Variants in ADD2 observed in about 807,000 individuals in gnomAD.
ADD2 encodes beta-adducin.
In ADD2, 23 loss-of-function variants were observed where a neutral mutation model predicts 83.0. The observed-to-expected ratio is 0.28, with a 90% CI of 0.20 to 0.39. ADD2 has a LOEUF of 0.39. Ranked by LOEUF, ADD2 falls within the 10% of genes least tolerant of loss-of-function variation. The pLI is 1.00. For synonymous variants in ADD2, 375 were observed against 375.4 expected, an observed-to-expected ratio of 1.00 and a Z score of 0.01; for missense variants, 758 against 944.9, an observed-to-expected ratio of 0.80 and a Z score of 2.59.
chr2:70,706,455 G>A lies in ADD2; in HGVS notation c.-34-13C>T. On this transcript the variant is annotated splice_polypyrimidine_tract_variant and intron_variant, in intron 2 of 15. Transcript: ENST00000264436. This position sits in a 1 kb window ranked among gnomAD's most constrained non-coding sequence, Gnocchi z 5.0. ...CGCTCCTGGAACTCTACAGAGAAGG[G>A]GAGAGGGTATGCGGTCAGGTTGGTG... 6.4e-7 allele frequency: 1 copy of A among 1,567,928 alleles called. No homozygotes were observed. Among genetic ancestry groups the A allele is most frequent in the Non-Finnish European group, 8.6e-7 (1 of 1,159,180 alleles).
intron 1 of ADD2, among the ~76,000 whole-genome samples, chr2:70,750,582 G>A (rs1380465616): frequency 6.6e-6 from 1 of 152,180 alleles, no homozygotes; most frequent in Non-Finnish European, 1.5e-5. Context: ...GTAGCTGCAA[G>A]CCAAGGAATG....
rs781934029 is a variant in ADD2 at position 70,706,396 on chromosome 2, T to C, written c.13A>G (p.Thr5Ala). The C allele has an allele frequency of 3.1e-6, 5 of 1,606,056 alleles. No individual in the cohort carries two copies. In the East Asian group the frequency reaches 1.1e-4, roughly 36 times the overall value. ...GGCGGCGAGGCAGCCTCGGGGACCGTCTCTTCGCTCATTTTCCCGGTGGGT... is the reference window on the plus strand; with the variant it reads ...GGCGGCGAGGCAGCCTCGGGGACCGCCTCTTCGCTCATTTTCCCGGTGGGT... MSEE[T>A]VPEAASPPPP... Residue 5 changes from threonine (T) to alanine (A), a missense_variant, in exon 3 of 16, where the codon ACG becomes GCG. Physicochemically the swap from Thr to Ala is moderately conservative, Grantham distance 58. Transcript: ENST00000264436. The surrounding 1 kb of genome is among the most constrained non-coding windows in gnomAD (Gnocchi z 5.0).
chr2:70,695,881 C>T, intron 5 of ADD2, 80 bp from the exon 6 acceptor site: 2 of 1,242,606 alleles, frequency 1.6e-6, no homozygotes, highest in Non-Finnish European at 1.2e-6. Flanking sequence ...ATCCCCTCTT[C>T]CCCTGAATCT....
intron 2 of ADD2, among the ~76,000 whole-genome samples, chr2:70,712,450 A>AG (rs1186233173): frequency 8.0e-6 from 1 of 125,676 alleles, no homozygotes; most frequent in Admixed American, 7.6e-5. Context: ...TCTCAAAAAA[A>AG]ATAAATAAAT....
intron 1 of ADD2, among the ~76,000 whole-genome samples, chr2:70,718,063 A>G (rs1483289986): frequency 6.6e-6 from 1 of 152,174 alleles, no homozygotes; most frequent in Non-Finnish European, 1.5e-5. Context: ...ATAAGTACTT[A>G]TTTCTGGGCA....
intron 6 of ADD2, among the ~76,000 whole-genome samples, chr2:70,693,049 C>T (rs2072246): frequency 0.29 from 44,061 of 151,910 alleles, 6,731 homozygotes; most frequent in East Asian, 0.44. Flanking sequence ...CCTTTCTCAA[C>T]GAGGCTCAAA....
In ADD2 at chr2:70,683,641, G is replaced by A. The variant is rs782285761; in HGVS notation, c.1075C>T (p.Arg359Trp). ...GSTFGPMQKSRLGEHEFEALM... is the reference protein window; with the variant it reads ...GSTFGPMQKSWLGEHEFEALM... The stretch of plus-strand genomic sequence containing the variant: ...GCCTCAAACTCATGCTCCCCCAGCC[G>A]ACTCTTCTGCATAGGCCCAAAGGTG... The change falls in exon 10 of 16, where the codon CGG becomes TGG. Residue 359 changes from arginine to tryptophan, a missense_variant. Physicochemically the swap from Arg to Trp is moderately radical, Grantham distance 101 (BLOSUM62 -3). Coordinates refer to ENST00000264436, the MANE Select transcript of ADD2 (RefSeq NM_001617.4). 10 of 1,613,826 alleles carry A rather than the reference G, an allele frequency of 6.2e-6. No homozygotes were observed. The highest frequency in any genetic ancestry group is 5.0e-5 in the Admixed American group (3 of 59,986).
At chr2:70,673,328 T>C (rs782565602) in intron 14 of ADD2, 5 of 1,613,990 alleles carry the variant, frequency 3.1e-6, no homozygotes, top group South Asian at 1.1e-5. Flanking sequence ...GTCCTGTCTC[T>C]GAAGAGAACC....
At chr2:70,674,997 C>T (rs1446123111) in intron 13 of ADD2, 172 bp from the exon 14 acceptor site, 76 of 1,334,774 alleles carry the variant, frequency 5.7e-5, no homozygotes, top group Non-Finnish European at 9.7e-7. Flanking sequence ...CTTTCCTCCC[C>T]ATTGCTACCT....
At chr2:70,754,087 C>G (rs1553383422) in intron 1 of ADD2, among the ~76,000 whole-genome samples, 1 of 152,132 alleles carries the variant, frequency 6.6e-6, no homozygotes, top group African/African-American at 2.4e-5. Flanking sequence ...CATGAAAACA[C>G]AAGATGCCTC....
intron 15 of ADD2, among the ~76,000 whole-genome samples, chr2:70,670,754 C>T (rs112476669): frequency 6.6e-6 from 1 of 152,182 alleles, no homozygotes; most frequent in Non-Finnish European, 1.5e-5. Flanking sequence ...CCCAGGAGTC[C>T]AGCAAGCCTG....
chr2:70,704,490 C>A (rs781929742), intron 3 of ADD2, 31 bp from the exon 4 acceptor site: 11 of 1,611,262 alleles, frequency 6.8e-6, no homozygotes, highest in East Asian at 2.2e-5. Context: ...CTTGTCCCCC[C>A]ACAGCCTCTC....
chr2:70,738,974 G>A (rs1673730449), intron 1 of ADD2, among the ~76,000 whole-genome samples: 1 of 152,120 alleles, frequency 6.6e-6, no homozygotes, highest in Non-Finnish European at 1.5e-5. Context: ...CTGGACATAG[G>A]AATGGGCAAA....
chr2:70,726,420 T>G (rs1458173725), intron 1 of ADD2, among the ~76,000 whole-genome samples: 1 of 152,124 alleles, frequency 6.6e-6, no homozygotes, highest in African/African-American at 2.4e-5. Flanking sequence ...CTGAATTGAA[T>G]AGCAGCTCAC....
chr2:70,678,587 G>A, intron 11 of ADD2, 117 bp downstream of exon 11: 1 of 1,413,514 alleles, frequency 7.1e-7, no homozygotes, highest in Non-Finnish European at 9.3e-7. Context: ...GAAGCCCAAA[G>A]AGGATGCTAC....
chr2:70,751,218 C>T (rs1320072039), intron 1 of ADD2, among the ~76,000 whole-genome samples: 4 of 152,240 alleles, frequency 2.6e-5, no homozygotes, highest in African/African-American at 9.6e-5. Context: ...CTCTGGAATT[C>T]CAGAGGGAAT....
At chr2:70,734,187 A>C (rs1673410601) in intron 1 of ADD2, among the ~76,000 whole-genome samples, 1 of 152,202 alleles carries the variant, frequency 6.6e-6, no homozygotes, top group Non-Finnish European at 1.5e-5. Flanking sequence ...GAACAGACAC[A>C]TGGGGGAAAA....
intron 1 of ADD2, among the ~76,000 whole-genome samples, chr2:70,765,740 C>T (rs1001788917): frequency 2.4e-4 from 36 of 152,284 alleles, no homozygotes; most frequent in Non-Finnish European, 3.1e-4. Context: ...GTTTCCTGCC[C>T]GTAGCCATTG....
chr2:70,761,151 G>T (rs965093493), intron 1 of ADD2, among the ~76,000 whole-genome samples: 6 of 151,814 alleles, frequency 4.0e-5, no homozygotes, highest in African/African-American at 1.5e-4. Context: ...GTAACTCTCA[G>T]TCTAGATAGC....
Sources: allele counts gnomAD v4.1 joint callset (sites outside exome capture counted in the v4.1 genomes callset), GRCh38; gene constraint gnomAD v4.1.1; non-coding constraint Gnocchi (gnomAD v3.1); transcripts MANE v1.5; gene names NCBI Gene and HGNC (gene_info 2026-07-23, HGNC 2026-07-21).